IMMT: variants seen among roughly 807,000 people sequenced by gnomAD.
IMMT encodes the protein inner membrane mitochondrial protein.
IMMT carries 40 observed loss-of-function variants against 92.7 expected under a neutral mutation model. The ratio of observed to expected loss-of-function variants is 0.43; its 90% CI spans 0.34 to 0.56. The LOEUF (loss-of-function observed/expected upper bound fraction) is 0.56. Ranked by LOEUF, IMMT falls within the 20% of genes least tolerant of loss-of-function variation. IMMT has a pLI of 0.03. For synonymous variants in IMMT, 322 were observed against 336.1 expected, an observed-to-expected ratio of 0.96 and a Z score of 0.46; for missense variants, 831 against 912.1, an observed-to-expected ratio of 0.91 and a Z score of 1.14.
chr2:86,153,622 TTTAG>T (rs1363736417), intron 10 of IMMT, 48 bp from the exon 11 acceptor site: 1 of 1,247,138 alleles, frequency 8.0e-7, no homozygotes, highest in South Asian at 1.5e-5. Flanking sequence ...ATGCACATAC[TTTAG>T]TTATTGATCA....
intron 1 of IMMT, 69 bp downstream of exon 1, chr2:86,195,269 G>A: frequency 1.4e-6 from 2 of 1,434,548 alleles, no homozygotes; most frequent in South Asian, 1.4e-5. Flanking sequence ...AGCGACCAAG[G>A]CTCCCCCGTT....
intron 7 of IMMT, among the ~76,000 whole-genome samples, chr2:86,164,198 C>T (rs2105026295): frequency 6.7e-6 from 1 of 150,192 alleles, no homozygotes; most frequent in African/African-American, 2.4e-5. Context: ...GCTGGGATTA[C>T]AGGCATGGGC....
At chr2:86,190,990 T>G (rs918343300) in intron 1 of IMMT, among the ~76,000 whole-genome samples, 4 of 151,702 alleles carry the variant, frequency 2.6e-5, no homozygotes, top group Non-Finnish European at 4.4e-5. Flanking sequence ...AGATACTATC[T>G]GTGATGGTTC....
Position 86,195,218 on chromosome 2 carries a change from G to A in IMMT, c.45+120C>T, listed in dbSNP as rs186498530. 1.1e-5 allele frequency: 12 copies of A among 1,102,460 alleles called. No homozygotes were observed. In the African/African-American group the frequency reaches 1.8e-4, roughly 17 times the overall value. 68.3% of individuals were successfully genotyped at this position (1,102,460 alleles called of 1,614,324 possible). ...GCTGCCCGCCCGGGCCTCTCCCGAC[G>A]AGGGTGGCCCTGAGGCTCGCCTTTG... On this transcript the variant is annotated intron_variant, in intron 1 of 14. Transcript: ENST00000410111.
chr2:86,148,730 C>A (rs200451639), intron 12 of IMMT, among the ~76,000 whole-genome samples: 19 of 151,218 alleles, frequency 1.3e-4, no homozygotes, highest in African/African-American at 4.1e-4. Flanking sequence ...CAACATGGGC[C>A]AAAAAAAACC....
intron 7 of IMMT, among the ~76,000 whole-genome samples, chr2:86,163,965 A>AAAAAAAAAAAAAAAAG (rs1676473551): frequency 6.6e-6 from 1 of 151,376 alleles, no homozygotes; most frequent in Non-Finnish European, 1.5e-5. Context: ...TCTCCAAAAA[A>AAAAAAAAAAAAAAAAG]AAAGAATGTT....
At chr2:86,180,490 T>C (rs1426617242) in intron 2 of IMMT, among the ~76,000 whole-genome samples, 1 of 150,408 alleles carries the variant, frequency 6.6e-6, no homozygotes, top group African/African-American at 2.4e-5. Flanking sequence ...GGTCTCAAAC[T>C]CCTGACCTCA....
chr2:86,151,550 T>C (rs1675469849), intron 11 of IMMT, 30 bp from the exon 12 acceptor site: 1 of 1,489,832 alleles, frequency 6.7e-7, no homozygotes. Flanking sequence ...AAAATATTAA[T>C]GATGTCACTG....
chr2:86,163,801 T>C (rs1041198902), intron 7 of IMMT, among the ~76,000 whole-genome samples: 3 of 151,546 alleles, frequency 2.0e-5, no homozygotes, highest in Admixed American at 1.3e-4. Context: ...GGTGAAACCC[T>C]GTCTCTACTA....
intron 10 of IMMT, among the ~76,000 whole-genome samples, chr2:86,154,898 C>G (rs1023482526): frequency 1.3e-5 from 2 of 151,760 alleles, no homozygotes; most frequent in Non-Finnish European, 1.5e-5. Flanking sequence ...CGGAGTCTCC[C>G]GTTGCCCAGG....
intron 1 of IMMT, among the ~76,000 whole-genome samples, chr2:86,194,416 T>C (rs916782336): frequency 1.3e-5 from 2 of 152,202 alleles, no homozygotes; most frequent in Admixed American, 1.3e-4. Context: ...GCTGCTTCTG[T>C]TACCTAGCAG....
chr2:86,192,050 T>C (rs1481239724), intron 1 of IMMT, among the ~76,000 whole-genome samples: 1 of 152,106 alleles, frequency 6.6e-6, no homozygotes, highest in African/African-American at 2.4e-5. Flanking sequence ...TGGAACAACA[T>C]TGCGAGATCC....
rs1458157758 is a variant in IMMT at position 86,195,409 on chromosome 2, T to A, written c.-27A>T. ...TCGGTCAAGCGGACGGCGCTGCTGG[T>A]GGACTCGAGCTGCCGCGGCGGCGCG... On this transcript the variant is annotated 5_prime_UTR_variant, in exon 1 of 15. Transcript: ENST00000410111. 1.2e-5 allele frequency: 18 copies of A among 1,545,238 alleles called. No homozygotes were observed. Among genetic ancestry groups the A allele is most frequent in the Non-Finnish European group, 6.1e-6 (7 of 1,144,630 alleles).
At chr2:86,156,032 A>G (rs762390648) in intron 10 of IMMT, among the ~76,000 whole-genome samples, 7 of 152,202 alleles carry the variant, frequency 4.6e-5, no homozygotes, top group Non-Finnish European at 1.0e-4. Context: ...ATTGCTTCAC[A>G]AGGGACCTTC....
At chr2:86,186,257 G>A (rs1672760704) in intron 1 of IMMT, among the ~76,000 whole-genome samples, 1 of 152,182 alleles carries the variant, frequency 6.6e-6, no homozygotes, top group Non-Finnish European at 1.5e-5. Context: ...GAGAGTCTTG[G>A]AGAAGGTTGT....
chr2:86,173,919 A>G (rs536061540), intron 3 of IMMT, among the ~76,000 whole-genome samples, 158 bp from the exon 4 acceptor site: 1 of 152,340 alleles, frequency 6.6e-6, no homozygotes, highest in South Asian at 2.1e-4. Flanking sequence ...GTTGAGAGAA[A>G]CCACCATTAC....
In IMMT at chr2:86,144,127, C is replaced by G. The variant is rs1674808165; in HGVS notation, c.*141G>C. On this transcript the variant is annotated 3_prime_UTR_variant, in exon 15 of 15. Coordinates refer to ENST00000410111, the MANE Select transcript of IMMT (RefSeq NM_006839.3). ...ATAGCAAATGGAAAGAATATAAATGCAACAGGTGTTAACATTTAGAACAGT... is the reference window on the plus strand; with the variant it reads ...ATAGCAAATGGAAAGAATATAAATGGAACAGGTGTTAACATTTAGAACAGT... The G allele has an allele frequency of 3.6e-6, 3 of 840,890 alleles. No homozygotes were observed. Among genetic ancestry groups the G allele is most frequent in the Admixed American group, 5.7e-5 (2 of 34,848 alleles). 52.1% of individuals were successfully genotyped at this position (840,890 alleles called of 1,614,324 possible).
At chr2:86,179,847 G>A (rs1320583062) in intron 2 of IMMT, among the ~76,000 whole-genome samples, 1 of 152,078 alleles carries the variant, frequency 6.6e-6, no homozygotes, top group Non-Finnish European at 1.5e-5. Context: ...AGGCCTAGGT[G>A]GAAGGGTTGC....
rs1259380893 is a variant in IMMT, at chr2:86,156,277, C to T, written c.1162+2315G>A. ...GGACAAAATGCCCTCAGTTGAGAAC[C>T]ACTGTTTAACATTTTCATGTTTTAC... On this transcript the variant is annotated intron_variant, in intron 10 of 14. Transcript: ENST00000410111. Among the ~76,000 whole-genome samples the T allele has an allele frequency of 2.0e-5, 3 of 152,130 alleles. No homozygotes were observed. In the East Asian group the frequency reaches 5.8e-4, roughly 29 times the overall value.
Sources: gnomAD v4.1 joint callset for allele counts (sites outside exome capture counted in the v4.1 genomes callset) on GRCh38, gnomAD v4.1.1 for gene constraint, MANE v1.5 for transcripts, NCBI Gene and HGNC (gene_info 2026-07-23, HGNC 2026-07-21) for gene names.